The following PCLO variants were observed in gnomAD, a reference collection of about 807,000 sequenced individuals.
PCLO encodes protein piccolo.
Under a neutral mutation model 427.5 loss-of-function variants are expected in PCLO, and 82 were observed. That is an observed-to-expected ratio of 0.19 (90% CI 0.16 to 0.23). PCLO has a LOEUF of 0.23. PCLO is among the 10% of genes least tolerant of loss of function. The probability of loss-of-function intolerance (pLI) is 1.00; values close to 1 mark genes in which losing one functional copy is unlikely to be tolerated. For synonymous variants in PCLO, 2,357 were observed against 2,155.4 expected, an observed-to-expected ratio of 1.09 and a Z score of -2.59; for missense variants, 6,239 against 6,115.9, an observed-to-expected ratio of 1.02 and a Z score of -0.67.
chr7:82,828,014 T>A (rs368004639), intron 16 of PCLO, 48 bp from the exon 17 acceptor site: 91 of 1,053,372 alleles, frequency 8.6e-5, no homozygotes, highest in Non-Finnish European at 1.3e-4. Context: ...CACCTTAGTT[T>A]ATGACTTCAC....
At chr7:82,797,634 T>C (rs1791254226) in intron 22 of PCLO, among the ~76,000 whole-genome samples, 1 of 152,164 alleles carries the variant, frequency 6.6e-6, no homozygotes, top group East Asian at 1.9e-4. Flanking sequence ...ACTTAAAGGA[T>C]GTTAACTGTA....
chr7:82,971,015 A>G (rs1018128536), intron 3 of PCLO, among the ~76,000 whole-genome samples: 1 of 151,870 alleles, frequency 6.6e-6, no homozygotes, highest in African/African-American at 2.4e-5. Flanking sequence ...ATTCTTTAAC[A>G]AAAATAATCC....
chr7:83,104,325 C>T (rs923578985), intron 3 of PCLO, among the ~76,000 whole-genome samples: 9 of 151,994 alleles, frequency 5.9e-5, no homozygotes, highest in East Asian at 1.9e-4. Flanking sequence ...CTTCTTTAGG[C>T]GGAATAAGCA....
rs1015084739 is a variant in PCLO at position 82,916,823 on chromosome 7, T to G, written c.11163A>C (p.Lys3721Asn). 6.2e-7 allele frequency: 1 copy of G among 1,613,534 alleles called. No homozygotes were observed. The highest frequency in any genetic ancestry group is 8.5e-7 in the Non-Finnish European group (1 of 1,179,576). Residue 3721 changes from lysine to asparagine, a missense_variant, in exon 7 of 25, where the codon AAA becomes AAC. Coordinates refer to ENST00000333891, the MANE Select transcript of PCLO (RefSeq NM_033026.6). ...MTSSGAQKKVKRTLPNPPPEE... is the reference protein window; with the variant it reads ...MTSSGAQKKVNRTLPNPPPEE... The stretch of plus-strand genomic sequence containing the variant: ...CAGGAGGTGGATTTGGCAGAGTTCT[T>G]TTAACTTTTTTCTGGGCTCCAGAGG...
chr7:83,080,418 C>T (rs1302990104), intron 3 of PCLO, among the ~76,000 whole-genome samples: 1 of 152,044 alleles, frequency 6.6e-6, no homozygotes, highest in Non-Finnish European at 1.5e-5. Context: ...GCCATTCTGT[C>T]GTGAGATGGT....
At chr7:83,142,795 C>A (rs1165739712) in intron 2 of PCLO, among the ~76,000 whole-genome samples, 1 of 152,100 alleles carries the variant, frequency 6.6e-6, no homozygotes, top group Non-Finnish European at 1.5e-5. Context: ...CCCGTCTCTA[C>A]TAAAAATACA....
chr7:83,097,060 TACATTATAC>T (rs1343396609), intron 3 of PCLO, among the ~76,000 whole-genome samples: 15 of 72,076 alleles, frequency 2.1e-4, no homozygotes, highest in African/African-American at 9.8e-4. Flanking sequence ...AAATATATTA[TACATTATAC>T]ATTATATAAA....
intron 3 of PCLO, among the ~76,000 whole-genome samples, chr7:83,100,569 C>T (rs549807643): frequency 2.4e-4 from 36 of 152,128 alleles, no homozygotes; most frequent in Admixed American, 3.9e-4. Flanking sequence ...AAACCAAATA[C>T]CGCATGTTCT....
chr7:82,909,476 G>A (rs1030281445), intron 7 of PCLO, among the ~76,000 whole-genome samples: 5 of 151,864 alleles, frequency 3.3e-5, no homozygotes, highest in Non-Finnish European at 7.4e-5. Flanking sequence ...TATGGCACAT[G>A]TATACCTATG....
intron 20 of PCLO, among the ~76,000 whole-genome samples, chr7:82,819,395 TA>T (rs1411090249): frequency 6.6e-6 from 1 of 152,076 alleles, no homozygotes; most frequent in Non-Finnish European, 1.5e-5. Flanking sequence ...AAATGTCATA[TA>T]GAAACACTTA....
chr7:82,829,945 A>G (rs1486651017), intron 16 of PCLO, among the ~76,000 whole-genome samples: 1 of 152,080 alleles, frequency 6.6e-6, no homozygotes, highest in Non-Finnish European at 1.5e-5. Flanking sequence ...ACATCTTGAA[A>G]AAAGTTTTGA....
intron 10 of PCLO, among the ~76,000 whole-genome samples, chr7:82,850,000 A>C (rs907489509): frequency 8.2e-6 from 1 of 122,440 alleles, no homozygotes; most frequent in African/African-American, 2.7e-5. Flanking sequence ...TAAATAGCTT[A>C]TTATTATTAT....
Position 83,155,884 on chromosome 7 carries a change from C to A in PCLO, c.757G>T (p.Gly253Cys). The A allele has an allele frequency of 6.2e-7, 1 of 1,613,816 alleles. No individual in the cohort carries two copies. Among genetic ancestry groups the A allele is most frequent in the Non-Finnish European group, 8.5e-7 (1 of 1,179,868 alleles). ...GGACCCTGAATTGGCTTTCCTGTACCTGGAGGTTGTGATTTAATTTTTTCT... is the reference window on the plus strand; with the variant it reads ...GGACCCTGAATTGGCTTTCCTGTACATGGAGGTTGTGATTTAATTTTTTCT... ...QPEKIKSQPP[G>C]TGKPIQGPTQ... The change falls in exon 2 of 25, where the codon GGT (glycine) becomes TGT (cysteine). Residue 253 changes from glycine (G) to cysteine (C), a missense_variant. By Grantham distance (159) the Gly-to-Cys change is radical (BLOSUM62 -3). Around this residue, in one of 5 missense-constraint regions of PCLO, gnomAD observed 4,677 missense variants for 4,468.4 expected, o/e 1.05. Transcript: ENST00000333891.
chr7:82,802,185 A>T (rs1422371812), intron 21 of PCLO, among the ~76,000 whole-genome samples: 1 of 151,866 alleles, frequency 6.6e-6, no homozygotes, highest in East Asian at 1.9e-4. Context: ...TGGGTAATGT[A>T]AGGCAAAGTA....
intron 3 of PCLO, among the ~76,000 whole-genome samples, chr7:83,116,898 T>A (rs1937067506): frequency 1.3e-5 from 2 of 152,192 alleles, no homozygotes; most frequent in Admixed American, 1.3e-4. Flanking sequence ...TCCATGTTTA[T>A]GGTAGCATTA....
intron 3 of PCLO, among the ~76,000 whole-genome samples, chr7:82,967,843 T>C (rs1246849601): frequency 6.6e-6 from 1 of 152,342 alleles, no homozygotes; most frequent in East Asian, 1.9e-4. Flanking sequence ...TTGTTACCAC[T>C]GAATGTGTAC....
At chr7:83,113,343 T>C (rs1018011775) in intron 3 of PCLO, among the ~76,000 whole-genome samples, 5 of 152,322 alleles carry the variant, frequency 3.3e-5, no homozygotes, top group African/African-American at 4.8e-5. Context: ...GCCTGTTTTC[T>C]TTTTTCCTTG....
At position 82,935,340 on chromosome 7, in the gene PCLO, C is replaced by A. The variant is rs563491684; in HGVS notation, c.11112+14136G>T. Among the ~76,000 whole-genome samples, 17 of 150,794 alleles carry A rather than the reference C, an allele frequency of 1.1e-4. No homozygotes were observed. The South Asian group carries it at 3.3e-3, about 30-fold the overall frequency. ...GTTTTTGACTTTGTAAATTAAAGAT[C>A]AAATACCTATACTTCATTGGTTTGC... On this transcript the variant is annotated intron_variant, in intron 6 of 24. Transcript: ENST00000333891.
At chr7:82,910,039 T>C (rs931743030) in intron 7 of PCLO, among the ~76,000 whole-genome samples, 9 of 152,106 alleles carry the variant, frequency 5.9e-5, no homozygotes, top group African/African-American at 2.2e-4. Context: ...TTCCTTTTAA[T>C]AAATTGTTTT....
Sources: gnomAD v4.1 joint callset for allele counts (sites outside exome capture counted in the v4.1 genomes callset) on GRCh38, gnomAD v4.1.1 for gene constraint, gnomAD v4.1.1 regional missense constraint, MANE v1.5 for transcripts, NCBI Gene and HGNC (gene_info 2026-07-23, HGNC 2026-07-21) for gene names.